The following PIM1 variants were observed in gnomAD, a reference collection of about 807,000 sequenced individuals.
PIM1 encodes Pim-1 proto-oncogene, serine/threonine kinase, also known as serine/threonine-protein kinase pim-1.
Under a neutral mutation model 34.5 loss-of-function variants are expected in PIM1, and 9 were observed. The observed-to-expected ratio is 0.26, with a 90% confidence interval of 0.16 to 0.46. PIM1 has a LOEUF of 0.46. Ranked by LOEUF, PIM1 falls within the 20% of genes least tolerant of loss-of-function variation. The pLI, the probability that PIM1 is intolerant of heterozygous loss-of-function variation, is 1.00. For missense variants in PIM1, 274 were observed against 410.9 expected (o/e 0.67, Z 2.88); for synonymous variants, 199 against 175.2 (o/e 1.14, Z -1.07).
chr6:37,172,827 A>G lies in PIM1; in HGVS notation c.608-169A>G, dbSNP rs73415828. On this transcript the variant is annotated intron_variant, in intron 4 of 5. Transcript: ENST00000373509. ...ATGCTTTGGGTTGGAGAGATGCCGT[A>G]AGGTGCGCCTCCACTCTCCTTAGCC... 1,058 of 708,538 alleles carry G rather than the reference A, an allele frequency of 1.5e-3. 17 individuals carry two copies. The African/African-American group carries it at 0.017, about 11-fold the overall frequency. 43.9% of individuals were successfully genotyped at this position (708,538 alleles called of 1,614,324 possible). A position where few individuals can be genotyped will look rare whatever the true frequency, so the allele number is the denominator to read the frequency against.
At position 37,171,253 on chromosome 6, in the gene PIM1, C is replaced by A. The variant is rs763099550; in HGVS notation, c.369C>A (p.Pro123=). 1.8e-5 allele frequency: 29 copies of A among 1,611,420 alleles called. No homozygotes were observed. Among genetic ancestry groups the A allele is most frequent in the Non-Finnish European group, 2.4e-5 (28 of 1,179,600 alleles). ...PDSFVLILER[P]EPVQDLFDFI... ...GTTTCGTCCTGATCCTGGAGAGGCC[C>A]GAGCCGGTGCAAGATCTCTTCGACT... The change falls in exon 4 of 6, where the codon CCC becomes CCA. Residue 123 remains proline, a synonymous_variant. Transcript: ENST00000373509.
At position 37,174,518 on chromosome 6, in the gene PIM1, C is replaced by G. The variant is rs1762370337; in HGVS notation, c.*427C>G. On this transcript the variant is annotated 3_prime_UTR_variant, in exon 6 of 6. Coordinates refer to ENST00000373509, the MANE Select transcript of PIM1 (RefSeq NM_002648.4). ...CCATTTTAAGTCCCTGTCACCTCTT[C>G]CGACTCTTTCTGAGTGCCTTCTGTG... is the stretch of plus-strand genomic sequence containing the variant. 3 of 235,314 alleles carry G rather than the reference C, an allele frequency of 1.3e-5. No individual in the cohort carries two copies. Among genetic ancestry groups the G allele is most frequent in the Non-Finnish European group, 2.5e-5 (3 of 119,124 alleles). 14.6% of individuals were successfully genotyped at this position (235,314 alleles called of 1,614,324 possible). A position where few individuals can be genotyped will look rare whatever the true frequency, so the allele number is the denominator to read the frequency against.
intron 5 of PIM1, among the ~76,000 whole-genome samples, chr6:37,173,392 G>A (rs1762342891): frequency 6.6e-6 from 1 of 152,198 alleles, no homozygotes; most frequent in African/African-American, 2.4e-5. Flanking sequence ...GCATGTGTGA[G>A]CATATTAAGA....
intron 4 of PIM1, among the ~76,000 whole-genome samples, chr6:37,172,049 G>T (rs904412510): frequency 6.6e-6 from 1 of 151,996 alleles, no homozygotes; most frequent in East Asian, 1.9e-4. Context: ...AAGATCTGTC[G>T]CTGGTTTGAA....
chr6:37,171,605 G>A (rs1762287722), intron 4 of PIM1, 114 bp downstream of exon 4: 2 of 1,316,890 alleles, frequency 1.5e-6, no homozygotes, highest in Non-Finnish European at 1.0e-6. Flanking sequence ...GGGCCGCCTG[G>A]CTCGATGCTA....
In PIM1 at chr6:37,171,152, G is replaced by A. The variant is rs2113769996; in HGVS notation, c.268G>A (p.Val90Met). ...TAATGGCACTCGAGTGCCCATGGAA[G>A]TGGTCCTGCTGAAGAAGGTGAGCTC... ...LPNGTRVPME[V>M]VLLKKVSSGF... Residue 90 changes from valine to methionine, a missense_variant, in exon 4 of 6, where the codon GTG (valine) becomes ATG (methionine). Coordinates refer to ENST00000373509, the MANE Select transcript of PIM1 (RefSeq NM_002648.4). 6.2e-7 allele frequency: 1 copy of A among 1,614,016 alleles called. No homozygotes were observed. The highest frequency in any genetic ancestry group is 8.5e-7 in the Non-Finnish European group (1 of 1,179,932).
rs548215460 is a variant in PIM1, at chr6:37,175,161, C to T, written c.*1070C>T. ...ACTCAGGCGGGACAGTGCTGCAGCT[C>T]CCTGGCTTCTGTGGGGCCCCTCACC... On this transcript the variant is annotated 3_prime_UTR_variant, in exon 6 of 6. Transcript: ENST00000373509. 8.6e-6 allele frequency: 2 copies of T among 233,632 alleles called. No homozygotes were observed. Among genetic ancestry groups the T allele is most frequent in the African/African-American group, 2.2e-5 (1 of 45,426 alleles). 14.5% of individuals were successfully genotyped at this position (233,632 alleles called of 1,614,324 possible). A position where few individuals can be genotyped will look rare whatever the true frequency, so the allele number is the denominator to read the frequency against.
In PIM1 at chr6:37,173,061, G is replaced by C; in HGVS notation, c.673G>C (p.Val225Leu). 8 of 1,614,208 alleles carry C rather than the reference G, an allele frequency of 5.0e-6. No homozygotes were observed. Among genetic ancestry groups the C allele is most frequent in the Non-Finnish European group, 6.8e-6 (8 of 1,180,036 alleles). ...TCGCTACCATGGCAGGTCGGCGGCA[G>C]TCTGGTCCCTGGGGATCCTGCTGTA... ...YHRYHGRSAA[V>L]WSLGILLYDM... Residue 225 changes from valine to leucine, a missense_variant, in exon 5 of 6, where the codon GTC becomes CTC. Physicochemically the swap from Val to Leu is conservative, Grantham distance 32. This residue lies in a region of PIM1 where 168 missense variants were observed against 299.4 expected (regional missense o/e 0.56). Transcript: ENST00000373509.
rs373459188 is a variant in PIM1, at chr6:37,170,918, G to T, written c.189+39G>T. On this transcript the variant is annotated intron_variant, in intron 2 of 5. Transcript: ENST00000373509. ...CCGCGGTGGGGAGGGCGCGCCGGGC[G>T]GGGGGCGCACGGGCGTGCTTTAGCC... 8.1e-6 allele frequency: 13 copies of T among 1,612,090 alleles called. No homozygotes were observed. The African/African-American group carries it at 1.6e-4, about 20-fold the overall frequency.
Position 37,170,206 on chromosome 6 carries a change from G to C in PIM1, c.-370G>C. 1 of 1,207,714 alleles carries C rather than the reference G, an allele frequency of 8.3e-7. No individual in the cohort carries two copies. The highest frequency in any genetic ancestry group is 1.0e-6 in the Non-Finnish European group (1 of 965,128). The allele number at this position is 1,207,714 out of a possible 1,614,324, so 74.8% of individuals were successfully genotyped here. A position where few individuals can be genotyped will look rare whatever the true frequency, so the allele number is the denominator to read the frequency against. ...TGCTGCAGCGGCCGCGGTGGCTGAG[G>C]AGGCCCGAGAGGAGTCGGTGGCAGC... On this transcript the variant is annotated 5_prime_UTR_variant, in exon 1 of 6. Transcript: ENST00000373509.
chr6:37,170,739 CG>C, intron 1 of PIM1, 33 bp from the exon 2 acceptor site: 2 of 1,606,910 alleles, frequency 1.2e-6, no homozygotes, highest in East Asian at 4.5e-5. Context: ...GCTCGCGGGC[CG>C]GCACTGAGTC....
rs780494083 is a variant in PIM1 at position 37,170,996 on chromosome 6, G to T, written c.205G>T (p.Val69Leu). ...SDNLPVAIKHVEKDRISDWGE... is the reference protein window; with the variant it reads ...SDNLPVAIKHLEKDRISDWGE... ...GGGCTTCCAGGTGGCCATCAAACAC[G>T]TGGAGAAGGACCGGATTTCCGACTG... The change falls in exon 3 of 6, where the codon GTG becomes TTG. Residue 69 changes from valine (V) to leucine (L), a missense_variant. Val to Leu is a conservative substitution (Grantham distance 32, BLOSUM62 1). This residue lies in a region of PIM1 where 106 missense variants were observed against 111.5 expected (regional missense o/e 0.95). Coordinates refer to ENST00000373509, the MANE Select transcript of PIM1 (RefSeq NM_002648.4). The T allele has an allele frequency of 6.2e-7, 1 of 1,614,122 alleles. No individual in the cohort carries two copies. Among genetic ancestry groups the T allele is most frequent in the Non-Finnish European group, 8.5e-7 (1 of 1,180,014 alleles).
Position 37,170,273 on chromosome 6 carries a change from CA to C in PIM1, c.-302del. On this transcript the variant is annotated 5_prime_UTR_variant, in exon 1 of 6. Coordinates refer to ENST00000373509, the MANE Select transcript of PIM1 (RefSeq NM_002648.4). ...GCAGCAGCAGCAGCAGCAGCAGCAGCAGCAACCACTAGCCTCCTGCCCCGCG... is the reference window on the plus strand; with the variant it reads ...GCAGCAGCAGCAGCAGCAGCAGCAGCGCAACCACTAGCCTCCTGCCCCGCG... The C allele has an allele frequency of 1.5e-6, 2 of 1,371,872 alleles. No homozygotes were observed. Among genetic ancestry groups the C allele is most frequent in the South Asian group, 1.5e-5 (1 of 67,200 alleles). 85.0% of individuals were successfully genotyped at this position (1,371,872 alleles called of 1,614,324 possible). A position where few individuals can be genotyped will look rare whatever the true frequency, so the allele number is the denominator to read the frequency against.
At chr6:37,170,941 GC>G in intron 2 of PIM1, 39 bp from the exon 3 acceptor site, 1 of 1,613,822 alleles carries the variant, frequency 6.2e-7, no homozygotes, top group Non-Finnish European at 8.5e-7. Context: ...GCGTGCTTTA[GC>G]CCGGACGAGG....
In PIM1 at chr6:37,171,337, G is replaced by A. The variant is rs777456557; in HGVS notation, c.453G>A (p.Val151=). ...EELARSFFWQ[V]LEAVRHCHNC... ...TGGCCCGCAGCTTCTTCTGGCAGGT[G>A]CTGGAGGCCGTGCGGCACTGCCACA... Residue 151 remains valine, a synonymous_variant, in exon 4 of 6, where the codon GTG becomes GTA. Coordinates refer to ENST00000373509, the MANE Select transcript of PIM1 (RefSeq NM_002648.4). The A allele has an allele frequency of 2.5e-6, 4 of 1,613,926 alleles. No homozygotes were observed. The highest frequency in any genetic ancestry group is 2.7e-5 in the African/African-American group (2 of 75,070).
Position 37,174,038 on chromosome 6 carries a change from C to A in PIM1, c.889C>A (p.Gln297Lys). 1 of 1,614,118 alleles carries A rather than the reference C, an allele frequency of 6.2e-7. No individual in the cohort carries two copies. The highest frequency in any genetic ancestry group is 1.3e-5 in the African/African-American group (1 of 75,008). ...HPWMQDVLLP[Q>K]ETAEIHLHSL... ...ATGGATGCAAGATGTTCTCCTGCCC[C>A]AGGAAACTGCTGAGATCCACCTCCA... The change falls in exon 6 of 6, where the codon CAG (glutamine) becomes AAG (lysine). Residue 297 changes from glutamine (Q) to lysine (K), a missense_variant. Coordinates refer to ENST00000373509, the MANE Select transcript of PIM1 (RefSeq NM_002648.4).
Position 37,175,225 on chromosome 6 carries a change from G to A in PIM1, c.*1134G>A, listed in dbSNP as rs1762388662. 1 of 233,664 alleles carries A rather than the reference G, an allele frequency of 4.3e-6. No homozygotes were observed. Among genetic ancestry groups the A allele is most frequent in the African/African-American group, 2.2e-5 (1 of 45,320 alleles). The allele number at this position is 233,664 out of a possible 1,614,324, so 14.5% of individuals were successfully genotyped here. On this transcript the variant is annotated 3_prime_UTR_variant, in exon 6 of 6. Coordinates refer to ENST00000373509, the MANE Select transcript of PIM1 (RefSeq NM_002648.4). ...GGGTCCCGGCTCTGTGGGTGATGGG[G>A]AGGGGCATTGCTGACTGTGTATATA...
Position 37,170,432 on chromosome 6 carries a change from GCCAGCCGCAGCC to G in PIM1, c.-143_-132del, listed in dbSNP as rs752019857. ...CTCCGACTCGCCCTCGGCCTTCCGC[GCCAGCCGCAGCC>G]ACAGCCGCAACGCCACCCGCAGCCA... On this transcript the variant is annotated 5_prime_UTR_variant, in exon 1 of 6. Transcript: ENST00000373509. The G allele has an allele frequency of 9.3e-5, 143 of 1,537,426 alleles. 1 individual carries two copies. The South Asian group carries it at 1.6e-3, about 18-fold the overall frequency.
At chr6:37,173,795 C>T (rs928419733) in intron 5 of PIM1, 139 bp from the exon 6 acceptor site, 3 of 665,474 alleles carry the variant, frequency 4.5e-6, no homozygotes, top group Non-Finnish European at 5.1e-6. Flanking sequence ...TTGAAGGGTA[C>T]CCAGCACAGT....
Sources: allele counts gnomAD v4.1 joint callset (sites outside exome capture counted in the v4.1 genomes callset), GRCh38; gene constraint gnomAD v4.1.1; regional missense constraint gnomAD v4.1.1; transcripts MANE v1.5; gene names NCBI Gene and HGNC (gene_info 2026-07-23, HGNC 2026-07-21).